The following ICOS variants were observed in gnomAD, a reference collection of about 807,000 sequenced individuals.
ICOS encodes the protein inducible T cell costimulator.
In ICOS, 15 loss-of-function variants were observed where a neutral mutation model predicts 24.6. The observed-to-expected ratio is 0.61, with a 90% CI of 0.41 to 0.94. ICOS has a LOEUF of 0.94. Ranked by LOEUF, ICOS falls within the 40% of genes least tolerant of loss-of-function variation. ICOS has a pLI of 0.00. For synonymous variants in ICOS, 89 were observed against 77.5 expected, an observed-to-expected ratio of 1.15 and a Z score of -0.78; for missense variants, 200 against 233.0, an observed-to-expected ratio of 0.86 and a Z score of 0.92.
In ICOS at chr2:203,961,149, T is replaced by G. The variant is rs886144012; in HGVS notation, c.*1550T>G. 8.5e-5 allele frequency: 13 copies of G among 152,310 alleles called. No individual in the cohort carries two copies. The highest frequency in any genetic ancestry group is 3.1e-4 in the African/African-American group (13 of 41,418). 9.4% of individuals were successfully genotyped at this position (152,310 alleles called of 1,614,324 possible). A position where few individuals can be genotyped will look rare whatever the true frequency, so the allele number is the denominator to read the frequency against. ...ATGTTGTAGTTTAACATTTTGTAAC[T>G]GTGTGCTTATAGTTTACAAGTGAGA... On this transcript the variant is annotated 3_prime_UTR_variant, in exon 5 of 5. Transcript: ENST00000316386.
At position 203,960,073 on chromosome 2, in the gene ICOS, G is replaced by T. The variant is rs558652067; in HGVS notation, c.*474G>T. On this transcript the variant is annotated 3_prime_UTR_variant, in exon 5 of 5. Coordinates refer to ENST00000316386, the MANE Select transcript of ICOS (RefSeq NM_012092.4). Reference sequence around the variant, plus strand: ...CCTCTTTTAATCAGTCAAGGGAGATGCTTCAAAGCTGGAGCTATTTTATTT... The same window carrying T: ...CCTCTTTTAATCAGTCAAGGGAGATTCTTCAAAGCTGGAGCTATTTTATTT... The T allele has an allele frequency of 2.5e-4, 63 of 248,914 alleles. No homozygotes were observed. Among genetic ancestry groups the T allele is most frequent in the Non-Finnish European group, 4.6e-4 (58 of 126,114 alleles). 15.4% of individuals were successfully genotyped at this position (248,914 alleles called of 1,614,324 possible). A position where few individuals can be genotyped will look rare whatever the true frequency, so the allele number is the denominator to read the frequency against.
chr2:203,953,456 C>T (rs1690020291), intron 1 of ICOS, among the ~76,000 whole-genome samples: 1 of 152,132 alleles, frequency 6.6e-6, no homozygotes, highest in Non-Finnish European at 1.5e-5. Context: ...ACTGCTATAA[C>T]TGAAGACTAG....
intron 1 of ICOS, among the ~76,000 whole-genome samples, chr2:203,942,226 C>T (rs945344963): frequency 5.3e-5 from 8 of 152,240 alleles, no homozygotes; most frequent in Non-Finnish European, 1.0e-4. Context: ...TCTGTACATG[C>T]AAAAACAACA....
chr2:203,954,777 A>T (rs543426901), intron 1 of ICOS, among the ~76,000 whole-genome samples: 2 of 151,572 alleles, frequency 1.3e-5, no homozygotes, highest in East Asian at 3.9e-4. Flanking sequence ...GTGTGTATAT[A>T]TGTATGTATA....
intron 1 of ICOS, among the ~76,000 whole-genome samples, chr2:203,938,558 G>A (rs910375500): frequency 6.4e-4 from 97 of 152,258 alleles, no homozygotes; most frequent in South Asian, 2.3e-3. Flanking sequence ...TCCAGATTTT[G>A]GATATTCTTC....
At chr2:203,937,672 T>C (rs934831038) in intron 1 of ICOS, among the ~76,000 whole-genome samples, 2 of 152,122 alleles carry the variant, frequency 1.3e-5, no homozygotes, top group Non-Finnish European at 2.9e-5. Flanking sequence ...ACTTAAATAA[T>C]CAAATAAACT....
At chr2:203,944,319 C>T (rs1036374591) in intron 1 of ICOS, among the ~76,000 whole-genome samples, 1 of 152,176 alleles carries the variant, frequency 6.6e-6, no homozygotes, top group Admixed American at 6.5e-5. Context: ...CAGAGCCTTT[C>T]TGCAGCTTCC....
chr2:203,940,945 G>T (rs959810347), intron 1 of ICOS, among the ~76,000 whole-genome samples: 3 of 152,066 alleles, frequency 2.0e-5, no homozygotes, highest in Admixed American at 1.3e-4. Flanking sequence ...CACCACGCCT[G>T]GCTAATTTTT....
intron 1 of ICOS, among the ~76,000 whole-genome samples, chr2:203,951,045 G>A (rs1012245174): frequency 8.7e-5 from 13 of 148,630 alleles, no homozygotes; most frequent in Admixed American, 6.1e-4. Flanking sequence ...GCTGGTGACA[G>A]AACAAGACTC....
At chr2:203,954,788 T>C (rs1363093510) in intron 1 of ICOS, among the ~76,000 whole-genome samples, 1 of 151,350 alleles carries the variant, frequency 6.6e-6, no homozygotes, top group Non-Finnish European at 1.5e-5. Context: ...TGTATGTATA[T>C]GTATACAATT....
At chr2:203,957,030 A>G (rs533163222) in intron 3 of ICOS, among the ~76,000 whole-genome samples, 1 of 152,276 alleles carries the variant, frequency 6.6e-6, no homozygotes, top group South Asian at 2.1e-4. Context: ...AAACTAGATG[A>G]GGAAATTGAG....
At chr2:203,957,651 G>A (rs1690100279) in intron 3 of ICOS, 148 bp from the exon 4 acceptor site, 1 of 682,394 alleles carries the variant, frequency 1.5e-6, no homozygotes, top group Non-Finnish European at 2.7e-6. Flanking sequence ...TTTTCATATT[G>A]TTTTTCTACT....
Position 203,955,641 on chromosome 2 carries a change from A to G in ICOS, c.64A>G (p.Ile22Val). Residue 22 changes from isoleucine to valine, a missense_variant, in exon 2 of 5, where the codon ATC becomes GTC. Transcript: ENST00000316386. The stretch of plus-strand genomic sequence containing the variant: ...TTTTCTTTCTTTTTATGCAGGAGAA[A>G]TCAATGGTTCTGCCAATTATGAGAT... ...CLRIKVLTGE[I>V]NGSANYEMFI... The G allele has an allele frequency of 1.2e-6, 2 of 1,610,948 alleles. No individual in the cohort carries two copies. The highest frequency in any genetic ancestry group is 1.7e-6 in the Non-Finnish European group (2 of 1,177,188).
At chr2:203,948,474 G>T (rs139570605) in intron 1 of ICOS, among the ~76,000 whole-genome samples, 6 of 152,218 alleles carry the variant, frequency 3.9e-5, no homozygotes, top group Non-Finnish European at 8.8e-5. Flanking sequence ...AAATGTCACC[G>T]TCTATATATT....
chr2:203,958,015 A>G, intron 4 of ICOS, 132 bp downstream of exon 4: 1 of 634,794 alleles, frequency 1.6e-6, no homozygotes, highest in South Asian at 1.8e-5. Flanking sequence ...TTTTCTGTGA[A>G]AATCTGGATT....
chr2:203,940,674 A>C (rs1178257437), intron 1 of ICOS, among the ~76,000 whole-genome samples: 3 of 152,132 alleles, frequency 2.0e-5, no homozygotes, highest in Non-Finnish European at 4.4e-5. Flanking sequence ...TAAAAAAAAA[A>C]AAAACTCTAG....
intron 1 of ICOS, among the ~76,000 whole-genome samples, chr2:203,940,969 A>C (rs1689759117): frequency 6.6e-6 from 1 of 152,096 alleles, no homozygotes; most frequent in African/African-American, 2.4e-5. Context: ...TATTTTTCGT[A>C]GAGACGGGGT....
At chr2:203,938,276 G>A (rs572253038) in intron 1 of ICOS, among the ~76,000 whole-genome samples, 32 of 152,302 alleles carry the variant, frequency 2.1e-4, no homozygotes, top group Admixed American at 6.5e-4. Context: ...GCACTTGAGC[G>A]GAGATTTCAA....
rs1233975329 is a variant in ICOS, at chr2:203,957,817, C to A, written c.520C>A (p.His174Asn). The A allele has an allele frequency of 1.2e-6, 2 of 1,612,610 alleles. No individual in the cohort carries two copies. Among genetic ancestry groups the A allele is most frequent in the Non-Finnish European group, 1.7e-6 (2 of 1,178,704 alleles). Residue 174 changes from histidine to asparagine, a missense_variant, in exon 4 of 5, where the codon CAC becomes AAC. His to Asn is a moderately conservative substitution (Grantham distance 68). Coordinates refer to ENST00000316386, the MANE Select transcript of ICOS (RefSeq NM_012092.4). ...LTKKKYSSSV[H>N]DPNGEYMFMR... ...CTTTCAGAAGTATTCATCCAGTGTG[C>A]ACGACCCTAACGGTGAATACATGTT...
Sources: gnomAD v4.1 joint callset for allele counts (sites outside exome capture counted in the v4.1 genomes callset) on GRCh38, gnomAD v4.1.1 for gene constraint, MANE v1.5 for transcripts, NCBI Gene and HGNC (gene_info 2026-07-23, HGNC 2026-07-21) for gene names.